RGS7: variants seen among roughly 807,000 people sequenced by gnomAD.
RGS7 encodes regulator of G-protein signaling 7.
A neutral mutation model predicts 81.1 loss-of-function variants in RGS7; 27 were observed. That is an observed-to-expected ratio of 0.33 (90% CI 0.25 to 0.46). The LOEUF is 0.46. Among genes scored for constraint, RGS7 ranks in the 20% least tolerant of loss-of-function variants. The probability of loss-of-function intolerance (pLI) is 1.00; values close to 1 mark genes in which losing one functional copy is unlikely to be tolerated. For synonymous variants in RGS7, 208 were observed against 207.7 expected (o/e 1.00, Z -0.01); for missense variants, 396 against 607.4 (o/e 0.65, Z 3.66).
chr1:240,861,016 A>C (rs1359519825), intron 9 of RGS7, among the ~76,000 whole-genome samples: 1 of 152,268 alleles, frequency 6.6e-6, no homozygotes, highest in East Asian at 1.9e-4. Context: ...TTTTGCATTA[A>C]GTTGTATGCT....
At chr1:241,146,279 T>C (rs1189747977) in intron 2 of RGS7, among the ~76,000 whole-genome samples, 1 of 152,106 alleles carries the variant, frequency 6.6e-6, no homozygotes, top group Non-Finnish European at 1.5e-5. Flanking sequence ...TTCAATAACA[T>C]TTACATTGTA....
chr1:241,231,521 G>A (rs185245663), intron 2 of RGS7, among the ~76,000 whole-genome samples: 1 of 151,724 alleles, frequency 6.6e-6, no homozygotes, highest in Admixed American at 6.6e-5. Context: ...ACCACGCCTG[G>A]CTAATTTTTG....
intron 2 of RGS7, among the ~76,000 whole-genome samples, chr1:241,162,933 C>A (rs954216938): frequency 6.6e-6 from 1 of 152,090 alleles, no homozygotes; most frequent in Non-Finnish European, 1.5e-5. Context: ...TGTTAAAGCC[C>A]ATGTCATATT....
intron 2 of RGS7, among the ~76,000 whole-genome samples, chr1:241,247,403 T>C (rs911224424): frequency 6.6e-6 from 1 of 152,106 alleles, no homozygotes; most frequent in African/African-American, 2.4e-5. Flanking sequence ...AATTATTTGG[T>C]TGATGAAGGG....
At chr1:240,841,326 T>G (rs1657948838) in intron 9 of RGS7, among the ~76,000 whole-genome samples, 2 of 152,180 alleles carry the variant, frequency 1.3e-5, no homozygotes, top group Non-Finnish European at 2.9e-5. Flanking sequence ...GTTCCCATCT[T>G]GACCTACAAA....
At chr1:241,117,859 G>A (rs1039467475) in intron 2 of RGS7, among the ~76,000 whole-genome samples, 2 of 152,156 alleles carry the variant, frequency 1.3e-5, no homozygotes, top group Admixed American at 6.5e-5. Flanking sequence ...GACAATAGCC[G>A]GTAATGCAGA....
chr1:240,838,713 A>G (rs565378842), intron 9 of RGS7, among the ~76,000 whole-genome samples: 4 of 152,108 alleles, frequency 2.6e-5, no homozygotes, highest in African/African-American at 7.2e-5. Context: ...AAAACAACAG[A>G]GTCTTTCTTG....
At chr1:241,085,320 G>C (rs978706331) in intron 3 of RGS7, among the ~76,000 whole-genome samples, 1 of 152,134 alleles carries the variant, frequency 6.6e-6, no homozygotes, top group African/African-American at 2.4e-5. Flanking sequence ...GGATAGGCTG[G>C]GGGCAGTGGT....
chr1:240,829,773 G>T (rs966384832), intron 9 of RGS7, among the ~76,000 whole-genome samples: 22 of 152,064 alleles, frequency 1.4e-4, no homozygotes, highest in Non-Finnish European at 3.2e-4. Context: ...CTCCAGCCTG[G>T]GTGATAGGGT....
At chr1:241,076,892 G>T (rs1157088310) in intron 3 of RGS7, among the ~76,000 whole-genome samples, 3 of 152,108 alleles carry the variant, frequency 2.0e-5, no homozygotes, top group African/African-American at 7.2e-5. Context: ...TTGTTCTCAT[G>T]GTAAAAATCT....
chr1:241,142,628 G>C (rs1429908786), intron 2 of RGS7, among the ~76,000 whole-genome samples: 2 of 152,210 alleles, frequency 1.3e-5, no homozygotes, highest in Non-Finnish European at 2.9e-5. Flanking sequence ...GACAGCATGG[G>C]AATCCTGGGC....
At position 240,930,716 on chromosome 1, in the gene RGS7, C is replaced by T; in HGVS notation, c.385+1G>A. 6.2e-7 allele frequency: 1 copy of T among 1,613,508 alleles called. No individual in the cohort carries two copies. The highest frequency in any genetic ancestry group is 8.5e-7 in the Non-Finnish European group (1 of 1,179,532). ...ATAAAATAATGAGAGATGGCACTGA[C>T]CATAATCTGTGTTTTCCGGCTCCCA... On this transcript the variant is annotated splice_donor_variant, in intron 6 of 18. Coordinates refer to ENST00000440928, the MANE Select transcript of RGS7 (RefSeq NM_001364886.1). LOFTEE classifies it high-confidence loss of function.
At chr1:241,070,362 G>A (rs1385489816) in intron 3 of RGS7, among the ~76,000 whole-genome samples, 2 of 148,826 alleles carry the variant, frequency 1.3e-5, no homozygotes, top group African/African-American at 4.9e-5. Context: ...GAAGTCATTC[G>A]ATTATGCTAA....
intron 3 of RGS7, among the ~76,000 whole-genome samples, chr1:241,073,226 T>TG (rs2148873921): frequency 6.6e-6 from 1 of 152,360 alleles, no homozygotes; most frequent in Non-Finnish European, 1.5e-5. Flanking sequence ...CTGTTCTCCT[T>TG]GTCCTTGTGG....
rs1491204174 is a variant in RGS7 at position 241,192,252 on chromosome 1, C to CATGTGTGTGTGTGT, written c.79-93491_79-93490insACACACACACACAT. On this transcript the variant is annotated intron_variant, in intron 2 of 18. Coordinates refer to ENST00000440928, the MANE Select transcript of RGS7 (RefSeq NM_001364886.1). ...GGCTTGGTTTTATTTTCTGTCTGCACGTGTGTGTGTGTGTGTGTGTGTGTG... is the reference window on the plus strand; with the variant it reads ...GGCTTGGTTTTATTTTCTGTCTGCACATGTGTGTGTGTGTGTGTGTGTGTGTGTGTGTGTGTGTG... 1.1e-3 allele frequency among the ~76,000 whole-genome samples: 137 copies of CATGTGTGTGTGTGT among 124,756 alleles called. 1 individual carries two copies. Among genetic ancestry groups the CATGTGTGTGTGTGT allele is most frequent in the African/African-American group, 4.1e-3 (129 of 31,122 alleles). The allele number at this position is 124,756 out of a possible 152,430, so 81.8% of individuals were successfully genotyped here. A position where few individuals can be genotyped will look rare whatever the true frequency, so the allele number is the denominator to read the frequency against.
chr1:240,936,326 C>T (rs1483173967), intron 5 of RGS7, among the ~76,000 whole-genome samples: 1 of 152,212 alleles, frequency 6.6e-6, no homozygotes, highest in East Asian at 1.9e-4. Context: ...GCCATTAAGT[C>T]ACTTTATGAA....
chr1:241,079,488 A>G (rs1481716445), intron 3 of RGS7, among the ~76,000 whole-genome samples: 2 of 152,126 alleles, frequency 1.3e-5, no homozygotes, highest in African/African-American at 4.8e-5. Context: ...CAAGAAAAGG[A>G]ATGATTAATG....
chr1:240,833,859 T>C (rs1014411840), intron 9 of RGS7, among the ~76,000 whole-genome samples: 2 of 152,116 alleles, frequency 1.3e-5, no homozygotes, highest in Non-Finnish European at 2.9e-5. Context: ...CAGCTCACTA[T>C]AGCCTTGACT....
intron 2 of RGS7, among the ~76,000 whole-genome samples, chr1:241,160,782 G>A (rs567092330): frequency 3.3e-5 from 5 of 152,156 alleles, no homozygotes; most frequent in Admixed American, 6.5e-5. Context: ...AAATTTTGGG[G>A]TACTGTTCCA....
Sources: allele counts gnomAD v4.1 joint callset (sites outside exome capture counted in the v4.1 genomes callset), GRCh38; gene constraint gnomAD v4.1.1; transcripts MANE v1.5; gene names NCBI Gene and HGNC (gene_info 2026-07-23, HGNC 2026-07-21).